The following STMND1 variants were observed in gnomAD, a reference collection of about 807,000 sequenced individuals.
STMND1 encodes the protein stathmin domain containing 1, also known as stathmin domain-containing protein 1.
A neutral mutation model predicts 23.0 loss-of-function variants in STMND1; 17 were observed. The ratio of observed to expected loss-of-function variants is 0.74; its 90% CI spans 0.51 to 1.11. The LOEUF (loss-of-function observed/expected upper bound fraction) is 1.11, where lower values mean the gene tolerates loss of function less well. Ranked by LOEUF, STMND1 falls within the 50% of genes least tolerant of loss-of-function variation. STMND1 has a pLI of 0.00. For synonymous variants in STMND1, 114 were observed against 119.9 expected, an observed-to-expected ratio of 0.95 and a Z score of 0.32; for missense variants, 305 against 329.1, an observed-to-expected ratio of 0.93 and a Z score of 0.57.
intron 1 of STMND1, among the ~76,000 whole-genome samples, chr6:17,106,979 G>T (rs1041990273): frequency 5.3e-5 from 8 of 152,130 alleles, no homozygotes; most frequent in Non-Finnish European, 1.2e-4. Flanking sequence ...AAGAGGAGAG[G>T]CTGGATTGGA....
intron 3 of STMND1, among the ~76,000 whole-genome samples, chr6:17,126,034 T>TTTTATATA (rs1348334184): frequency 9.5e-5 from 4 of 42,002 alleles, no homozygotes; most frequent in African/African-American, 5.1e-4. Context: ...GATCATTGTT[T>TTTTATATA]TATATATATA....
chr6:17,122,752 A>G (rs1477821030), intron 3 of STMND1, among the ~76,000 whole-genome samples: 1 of 152,154 alleles, frequency 6.6e-6, no homozygotes, highest in Non-Finnish European at 1.5e-5. Context: ...AAAGGAAGGT[A>G]AAAATGGATT....
At chr6:17,127,197 A>G (rs1761319684) in intron 3 of STMND1, among the ~76,000 whole-genome samples, 1 of 152,242 alleles carries the variant, frequency 6.6e-6, no homozygotes, top group South Asian at 2.1e-4. Flanking sequence ...AATATATGTT[A>G]TTAAACTTAT....
At chr6:17,119,461 C>T (rs781731617) in intron 2 of STMND1, among the ~76,000 whole-genome samples, 4 of 151,996 alleles carry the variant, frequency 2.6e-5, no homozygotes, top group Admixed American at 6.6e-5. Flanking sequence ...CCCAGCACTT[C>T]GGGAGGCCGA....
Position 17,126,406 on chromosome 6 carries a change from C to T in STMND1, c.412-2706C>T, listed in dbSNP as rs140496586. On this transcript the variant is annotated intron_variant, in intron 3 of 4. Transcript: ENST00000536551. ...GGAGGATCATTTTAAGATTAAGCCA[C>T]GGGAAGAGGTGACCAAAACAGAAAA... Among the ~76,000 whole-genome samples the T allele has an allele frequency of 2.1e-4, 32 of 152,020 alleles. 1 individual carries two copies. In the East Asian group the frequency reaches 4.9e-3, roughly 23 times the overall value.
At chr6:17,130,338 C>T (rs1761371378) in intron 4 of STMND1, among the ~76,000 whole-genome samples, 1 of 152,156 alleles carries the variant, frequency 6.6e-6, no homozygotes, top group Non-Finnish European at 1.5e-5. Flanking sequence ...TGGCCAGACC[C>T]AGCCTTCACA....
chr6:17,102,174 A>G lies in STMND1; in HGVS notation c.-84A>G. 1 of 1,346,816 alleles carries G rather than the reference A, an allele frequency of 7.4e-7. No homozygotes were observed. Among genetic ancestry groups the G allele is most frequent in the Non-Finnish European group, 9.6e-7 (1 of 1,039,498 alleles). The allele number at this position is 1,346,816 out of a possible 1,614,324, so 83.4% of individuals were successfully genotyped here. ...AGGGCGCAGGGCGCAGGAGCGCGGG[A>G]CCACCGGCGCCGGAGCGCGGCAGGG... is the stretch of plus-strand genomic sequence containing the variant. On this transcript the variant is annotated 5_prime_UTR_variant, in exon 1 of 5. Coordinates refer to ENST00000536551, the MANE Select transcript of STMND1 (RefSeq NM_001190766.2).
At chr6:17,108,310 G>A (rs755776435) in intron 1 of STMND1, among the ~76,000 whole-genome samples, 13 of 150,820 alleles carry the variant, frequency 8.6e-5, no homozygotes, top group East Asian at 3.9e-4. Flanking sequence ...AAAAGCCATC[G>A]TTTAGACTGA....
chr6:17,128,986 T>A lies in STMND1; in HGVS notation c.412-126T>A, dbSNP rs2113496452. 6.1e-6 allele frequency: 6 copies of A among 986,872 alleles called. No homozygotes were observed. The South Asian group carries it at 8.8e-5, about 14-fold the overall frequency. 61.1% of individuals were successfully genotyped at this position (986,872 alleles called of 1,614,324 possible). On this transcript the variant is annotated intron_variant, in intron 3 of 4. Coordinates refer to ENST00000536551, the MANE Select transcript of STMND1 (RefSeq NM_001190766.2). ...CCTTGGCCTCCCAAAGTGCCGGGATTACAGGCATGAGCCACTGCACCCAGA... is the reference window on the plus strand; with the variant it reads ...CCTTGGCCTCCCAAAGTGCCGGGATAACAGGCATGAGCCACTGCACCCAGA...
At chr6:17,120,313 A>G (rs1250116800) in intron 2 of STMND1, among the ~76,000 whole-genome samples, 8 of 152,208 alleles carry the variant, frequency 5.3e-5, no homozygotes, top group Non-Finnish European at 2.9e-5. Flanking sequence ...ACCCAAGTGT[A>G]TAAGTGTTGT....
chr6:17,130,321 G>C (rs1052494374), intron 4 of STMND1, among the ~76,000 whole-genome samples: 1 of 152,080 alleles, frequency 6.6e-6, no homozygotes, highest in African/African-American at 2.4e-5. Context: ...AGCCCTCCAC[G>C]CGCCCTTGGC....
chr6:17,110,148 A>G (rs1306939002), intron 1 of STMND1, among the ~76,000 whole-genome samples: 1 of 152,098 alleles, frequency 6.6e-6, no homozygotes, highest in African/African-American at 2.4e-5. Context: ...CAATTCAGGC[A>G]TTTTTTTCTT....
In STMND1 at chr6:17,106,736, T is replaced by C. The variant is rs894246620; in HGVS notation, c.81+4398T>C. Among the ~76,000 whole-genome samples the C allele has an allele frequency of 2.6e-5, 4 of 152,220 alleles. No homozygotes were observed. In the South Asian group the frequency reaches 8.3e-4, roughly 31 times the overall value. On this transcript the variant is annotated intron_variant, in intron 1 of 4. Transcript: ENST00000536551. ...CAGGATCTTTAAAATGAAATGAACG[T>C]GTTTGCTTGCATGAAATATTTATGT...
intron 1 of STMND1, among the ~76,000 whole-genome samples, chr6:17,104,398 T>A (rs1284736276): frequency 2.0e-5 from 3 of 152,156 alleles, no homozygotes; most frequent in Non-Finnish European, 4.4e-5. Context: ...TTTCTCGCCG[T>A]TATCATTTGT....
Position 17,130,692 on chromosome 6 carries a change from A to T in STMND1, c.642A>T (p.Ala214=). Residue 214 remains alanine (A), a synonymous_variant, in exon 5 of 5, where the codon GCA becomes GCT. Transcript: ENST00000536551. ...DSAELDGAEV[A]FAKGLQRVRS... is the part of the protein sequence containing the mutation. The stretch of plus-strand genomic sequence containing the variant: ...CTGAATTAGATGGGGCCGAGGTTGC[A>T]TTTGCCAAAGGACTTCAAAGGGTGA... 3 of 1,536,078 alleles carry T rather than the reference A, an allele frequency of 2.0e-6. No homozygotes were observed. The South Asian group carries it at 3.6e-5, about 18-fold the overall frequency.
intron 3 of STMND1, among the ~76,000 whole-genome samples, chr6:17,123,069 C>A (rs539254920): frequency 1.6e-4 from 24 of 152,272 alleles, no homozygotes; most frequent in South Asian, 1.2e-3. Context: ...TCGATGTCTA[C>A]ATACATACAC....
chr6:17,124,054 T>G (rs1263457885), intron 3 of STMND1, among the ~76,000 whole-genome samples: 1 of 152,068 alleles, frequency 6.6e-6, no homozygotes, highest in Non-Finnish European at 1.5e-5. Context: ...TTTAATAAGT[T>G]TTTTCAAACC....
intron 1 of STMND1, 102 bp downstream of exon 1, chr6:17,102,440 G>A (rs979097577): frequency 1.1e-5 from 15 of 1,419,146 alleles, no homozygotes; most frequent in Non-Finnish European, 1.4e-5. Flanking sequence ...GTTGGCTGGA[G>A]CAGGGTCGGT....
intron 3 of STMND1, among the ~76,000 whole-genome samples, chr6:17,126,986 C>T (rs1761316191): frequency 6.6e-6 from 1 of 152,204 alleles, no homozygotes; most frequent in African/African-American, 2.4e-5. Context: ...AGAGTTGAAG[C>T]TCATGCCTGC....
Sources: allele counts gnomAD v4.1 joint callset (sites outside exome capture counted in the v4.1 genomes callset), GRCh38; gene constraint gnomAD v4.1.1; transcripts MANE v1.5; gene names NCBI Gene and HGNC (gene_info 2026-07-23, HGNC 2026-07-21).